FUT8: variants seen among roughly 807,000 people sequenced by gnomAD.
The protein encoded by FUT8 is fucosyltransferase 8.
FUT8 carries 29 observed loss-of-function variants against 71.3 expected under a neutral mutation model. That is an observed-to-expected ratio of 0.41 (90% CI 0.30 to 0.55). The LOEUF (loss-of-function observed/expected upper bound fraction) is 0.55, where lower values mean the gene tolerates loss of function less well. Ranked by LOEUF, FUT8 falls within the 20% of genes least tolerant of loss-of-function variation. The probability of loss-of-function intolerance (pLI) is 0.34; values close to 1 mark genes in which losing one functional copy is unlikely to be tolerated. For synonymous variants in FUT8, 254 were observed against 239.3 expected (o/e 1.06, Z -0.57); for missense variants, 544 against 702.1 (o/e 0.77, Z 2.55).
chr14:65,698,026 T>A (rs1006198407), intron 7 of FUT8, among the ~76,000 whole-genome samples: 2 of 152,152 alleles, frequency 1.3e-5, no homozygotes, highest in African/African-American at 4.8e-5. Context: ...TAAGTTGGTT[T>A]TAAATGTAAT....
chr14:65,670,287 T>TA (rs1320431005), intron 7 of FUT8, among the ~76,000 whole-genome samples: 5 of 152,208 alleles, frequency 3.3e-5, no homozygotes, highest in African/African-American at 1.2e-4. Flanking sequence ...TATTGTTTTG[T>TA]AATCTTGGAC....
chr14:65,504,787 C>G (rs1254012809), intron 2 of FUT8, among the ~76,000 whole-genome samples: 1 of 152,124 alleles, frequency 6.6e-6, no homozygotes, highest in Non-Finnish European at 1.5e-5. Context: ...CTCCTGACAT[C>G]AGGTGATCTG....
In FUT8 at chr14:65,739,550, G is replaced by A. The variant is rs185671612; in HGVS notation, c.1411-2543G>A. Among the ~76,000 whole-genome samples, 7 of 152,056 alleles carry A rather than the reference G, an allele frequency of 4.6e-5. No individual in the cohort carries two copies. In the East Asian group the frequency reaches 1.4e-3, roughly 30 times the overall value. On this transcript the variant is annotated intron_variant, in intron 10 of 10. Transcript: ENST00000673929. Reference sequence around the variant, plus strand: ...TAAGACGTTTAAGAGTGGAGAGGAGGAAACACATCACGGTTCATTGTCACA... The same window carrying A: ...TAAGACGTTTAAGAGTGGAGAGGAGAAAACACATCACGGTTCATTGTCACA...
chr14:65,693,192 G>C (rs1001558787), intron 7 of FUT8, among the ~76,000 whole-genome samples: 3 of 152,180 alleles, frequency 2.0e-5, no homozygotes, highest in African/African-American at 7.2e-5. Context: ...CCGAGATCAC[G>C]CCACTGCACT....
chr14:65,523,467 G>T (rs1291111151), intron 2 of FUT8, among the ~76,000 whole-genome samples: 2 of 152,102 alleles, frequency 1.3e-5, no homozygotes, highest in Non-Finnish European at 2.9e-5. Flanking sequence ...GTAGATTCTG[G>T]ATATTAGCCC....
At chr14:65,429,311 C>A (rs1204340925) in intron 1 of FUT8, among the ~76,000 whole-genome samples, 2 of 152,036 alleles carry the variant, frequency 1.3e-5, no homozygotes, top group African/African-American at 4.8e-5. Context: ...TATTTTTACC[C>A]AACATACTAG....
At chr14:65,640,966 T>A (rs1272046832) in intron 6 of FUT8, among the ~76,000 whole-genome samples, 1 of 152,198 alleles carries the variant, frequency 6.6e-6, no homozygotes, top group Non-Finnish European at 1.5e-5. Flanking sequence ...GGTAATCTCT[T>A]TATCATTTGG....
chr14:65,685,841 A>G (rs1675235321), intron 7 of FUT8, among the ~76,000 whole-genome samples: 2 of 152,170 alleles, frequency 1.3e-5, no homozygotes, highest in Non-Finnish European at 2.9e-5. Flanking sequence ...ATTAGCATAT[A>G]ATGAGCAGTG....
intron 2 of FUT8, among the ~76,000 whole-genome samples, chr14:65,492,777 G>A (rs1247344588): frequency 6.6e-6 from 1 of 152,102 alleles, no homozygotes; most frequent in Non-Finnish European, 1.5e-5. Flanking sequence ...TATGAAAAGG[G>A]TAATAAGAGA....
intron 3 of FUT8, among the ~76,000 whole-genome samples, chr14:65,592,797 C>T (rs758133774): frequency 5.3e-5 from 8 of 152,126 alleles, no homozygotes; most frequent in Non-Finnish European, 8.8e-5. Flanking sequence ...CAATGCATCT[C>T]ATGTATTTCT....
chr14:65,704,505 G>A (rs1594918619), intron 7 of FUT8, among the ~76,000 whole-genome samples: 5 of 151,660 alleles, frequency 3.3e-5, no homozygotes, highest in African/African-American at 7.3e-5. Flanking sequence ...CCTTTGAGCC[G>A]GAAGGAGGTT....
chr14:65,561,060 AATT>A (rs1200703523), intron 2 of FUT8, among the ~76,000 whole-genome samples: 4 of 152,196 alleles, frequency 2.6e-5, no homozygotes, highest in Non-Finnish European at 5.9e-5. Context: ...GTTAATGTAT[AATT>A]ATGCAAGAAG....
intron 7 of FUT8, among the ~76,000 whole-genome samples, chr14:65,671,332 A>T (rs1353816474): frequency 6.6e-6 from 1 of 152,178 alleles, no homozygotes; most frequent in Non-Finnish European, 1.5e-5. Flanking sequence ...TGTAGTCGGT[A>T]GTGGCAACCA....
chr14:65,692,449 CGGG>C (rs1893691694), intron 7 of FUT8, among the ~76,000 whole-genome samples: 1 of 111,100 alleles, frequency 9.0e-6, no homozygotes, highest in African/African-American at 3.6e-5. Flanking sequence ...GCTGGCCGGG[CGGG>C]GGGCTGACCC....
At chr14:65,549,660 AATG>A (rs1885177252) in intron 2 of FUT8, among the ~76,000 whole-genome samples, 1 of 152,162 alleles carries the variant, frequency 6.6e-6, no homozygotes, top group African/African-American at 2.4e-5. Flanking sequence ...TTGCCTAACT[AATG>A]ATGATGGATG....
intron 6 of FUT8, among the ~76,000 whole-genome samples, chr14:65,634,407 T>C (rs1004946936): frequency 6.6e-5 from 10 of 152,110 alleles, no homozygotes; most frequent in Middle Eastern, 3.4e-3. Flanking sequence ...ATCTCAAGTA[T>C]CCAGGGACAC....
At chr14:65,601,754 T>C (rs1888298273) in intron 3 of FUT8, among the ~76,000 whole-genome samples, 1 of 152,124 alleles carries the variant, frequency 6.6e-6, no homozygotes, top group African/African-American at 2.4e-5. Context: ...GAATCAAATA[T>C]CATTAATGAT....
chr14:65,516,597 AT>A (rs1882722705), intron 2 of FUT8, among the ~76,000 whole-genome samples: 1 of 152,262 alleles, frequency 6.6e-6, no homozygotes, highest in East Asian at 1.9e-4. Context: ...CTCGGTAATT[AT>A]TTTTGTAACT....
chr14:65,519,511 T>C (rs1882942062), intron 2 of FUT8, among the ~76,000 whole-genome samples: 1 of 152,234 alleles, frequency 6.6e-6, no homozygotes, highest in Non-Finnish European at 1.5e-5. Flanking sequence ...TGATCTTTGC[T>C]GTATTCTTTA....
Sources: gnomAD v4.1 joint callset for allele counts (sites outside exome capture counted in the v4.1 genomes callset) on GRCh38, gnomAD v4.1.1 for gene constraint, MANE v1.5 for transcripts, NCBI Gene and HGNC (gene_info 2026-07-23, HGNC 2026-07-21) for gene names.